HOOK3: variants seen among roughly 807,000 people sequenced by gnomAD.
HOOK3 encodes the protein protein Hook homolog 3.
HOOK3 carries 24 observed loss-of-function variants against 116.3 expected under a neutral mutation model. The observed-to-expected ratio is 0.21, with a 90% CI of 0.15 to 0.29. The LOEUF (loss-of-function observed/expected upper bound fraction) is 0.29, where lower values mean the gene tolerates loss of function less well. HOOK3 is among the 10% of genes least tolerant of loss of function. The probability of loss-of-function intolerance (pLI) is 1.00; values close to 1 mark genes in which losing one functional copy is unlikely to be tolerated. For missense variants in HOOK3, 632 were observed against 830.2 expected, an observed-to-expected ratio of 0.76 and a Z score of 2.93; for synonymous variants, 275 against 283.0, an observed-to-expected ratio of 0.97 and a Z score of 0.28.
At chr8:43,011,663 C>T (rs1809615014) in intron 19 of HOOK3, among the ~76,000 whole-genome samples, 1 of 152,026 alleles carries the variant, frequency 6.6e-6, no homozygotes, top group Non-Finnish European at 1.5e-5. Flanking sequence ...TGCTTTAGCC[C>T]AGGAGTTTGA....
At position 42,953,471 on chromosome 8, in the gene HOOK3, G is replaced by A. The variant is rs1808379522; in HGVS notation, c.468+3016G>A. On this transcript the variant is annotated intron_variant, in intron 6 of 21. Transcript: ENST00000307602. ...CCCAGCTACTTGGGTGGCTGAGGCA[G>A]GAGAATGGCTTCAATTTGGGAGCCG... 2.0e-5 allele frequency among the ~76,000 whole-genome samples: 3 copies of A among 151,814 alleles called. No individual in the cohort carries two copies. The South Asian group carries it at 6.2e-4, about 32-fold the overall frequency.
Position 42,973,337 on chromosome 8 carries a change from A to G in HOOK3, c.1171A>G (p.Lys391Glu). 6.2e-7 allele frequency: 1 copy of G among 1,613,300 alleles called. No individual in the cohort carries two copies. Among genetic ancestry groups the G allele is most frequent in the Non-Finnish European group, 8.5e-7 (1 of 1,179,694 alleles). The stretch of plus-strand genomic sequence containing the variant: ...ATCCGAAGAATCAAAGAAAGCAGAT[A>G]AACTAGATTTTGAATATAAGCGGCT... ...RLSEESKKAD[K>E]LDFEYKRLKE... The change falls in exon 12 of 22, where the codon AAA (lysine) becomes GAA (glutamate). Residue 391 changes from lysine (K) to glutamate (E), a missense_variant. Coordinates refer to ENST00000307602, the MANE Select transcript of HOOK3 (RefSeq NM_032410.4).
chr8:43,002,516 A>G (rs956007023), intron 17 of HOOK3, among the ~76,000 whole-genome samples: 1 of 152,176 alleles, frequency 6.6e-6, no homozygotes, highest in African/African-American at 2.4e-5. Flanking sequence ...TAGCTTGAAA[A>G]CAGCCATAGA....
chr8:43,006,285 G>T (rs999284398), intron 17 of HOOK3, among the ~76,000 whole-genome samples: 3 of 151,482 alleles, frequency 2.0e-5, no homozygotes, highest in Non-Finnish European at 4.4e-5. Context: ...CTCCCAAAGT[G>T]CTGGGATTAC....
intron 4 of HOOK3, among the ~76,000 whole-genome samples, chr8:42,942,028 G>T (rs1808137634): frequency 1.3e-5 from 2 of 152,140 alleles, no homozygotes; most frequent in African/African-American, 4.8e-5. Flanking sequence ...CAGAGCCCAG[G>T]CAGGTGGATT....
chr8:42,966,195 G>A (rs1035013222), intron 9 of HOOK3, among the ~76,000 whole-genome samples: 2 of 152,042 alleles, frequency 1.3e-5, no homozygotes, highest in African/African-American at 2.4e-5. Flanking sequence ...AATAAAAAAA[G>A]CCCTTAAATT....
Position 42,933,165 on chromosome 8 carries a change from A to G in HOOK3, c.267+2993A>G, listed in dbSNP as rs945793149. Among the ~76,000 whole-genome samples the G allele has an allele frequency of 6.6e-5, 10 of 152,352 alleles. No homozygotes were observed. The South Asian group carries it at 8.3e-4, about 13-fold the overall frequency. The stretch of plus-strand genomic sequence containing the variant: ...AGGTCTAACAATAGAAAATTATGAA[A>G]CATGTTGTAGGACAAATGCCATTCA... On this transcript the variant is annotated intron_variant, in intron 4 of 21. Transcript: ENST00000307602.
rs1409855263 is a variant in HOOK3, at chr8:42,968,228, A to G, written c.1122+14A>G. 1.9e-6 allele frequency: 3 copies of G among 1,594,100 alleles called. No homozygotes were observed. The highest frequency in any genetic ancestry group is 1.7e-6 in the Non-Finnish European group (2 of 1,165,806). On this transcript the variant is annotated intron_variant, in intron 11 of 21. Transcript: ENST00000307602. ...TACAAGAGACAGGTAAAAGAAACAC[A>G]GCATCTTGATGATGGTTTCAGGCAA...
chr8:42,916,143 A>G (rs1807528836), intron 2 of HOOK3, among the ~76,000 whole-genome samples: 1 of 152,130 alleles, frequency 6.6e-6, no homozygotes, highest in African/African-American at 2.4e-5. Flanking sequence ...CACCCCTGAC[A>G]TTGGTCAGTT....
At position 43,018,908 on chromosome 8, in the gene HOOK3, A is replaced by G. The variant is rs1809769421; in HGVS notation, c.*410A>G. The G allele has an allele frequency of 4.5e-6, 1 of 224,134 alleles. No homozygotes were observed. The highest frequency in any genetic ancestry group is 1.8e-4 in the South Asian group (1 of 5,554). 13.9% of individuals were successfully genotyped at this position (224,134 alleles called of 1,614,324 possible). The stretch of plus-strand genomic sequence containing the variant: ...GAATGTCTTTGTTTAAAGGGAATTA[A>G]TCTTTTTATGATGTATTAATCTGTG... On this transcript the variant is annotated 3_prime_UTR_variant, in exon 22 of 22. Coordinates refer to ENST00000307602, the MANE Select transcript of HOOK3 (RefSeq NM_032410.4).
intron 7 of HOOK3, among the ~76,000 whole-genome samples, chr8:42,957,379 G>A (rs1474341540): frequency 6.6e-6 from 1 of 152,072 alleles, no homozygotes; most frequent in Non-Finnish European, 1.5e-5. Context: ...AAATGCTGTT[G>A]CATAACCTAC....
chr8:43,018,929 C>A lies in HOOK3; in HGVS notation c.*431C>A, dbSNP rs941522104. 17 of 219,092 alleles carry A rather than the reference C, an allele frequency of 7.8e-5. No homozygotes were observed. The highest frequency in any genetic ancestry group is 6.3e-4 in the Admixed American group (11 of 17,406). The allele number at this position is 219,092 out of a possible 1,614,324, so 13.6% of individuals were successfully genotyped here. ...ATTAATCTTTTTATGATGTATTAATCTGTGTTTTCAATTGTTTTCCAAGTA... is the reference window on the plus strand; with the variant it reads ...ATTAATCTTTTTATGATGTATTAATATGTGTTTTCAATTGTTTTCCAAGTA... On this transcript the variant is annotated 3_prime_UTR_variant, in exon 22 of 22. Transcript: ENST00000307602.
chr8:42,930,219 G>A (rs1324275968), intron 4 of HOOK3, 47 bp downstream of exon 4: 1 of 1,426,730 alleles, frequency 7.0e-7, no homozygotes. Flanking sequence ...CTATCGGATA[G>A]TTTAATTTTA....
intron 13 of HOOK3, among the ~76,000 whole-genome samples, chr8:42,978,134 A>G (rs1241472730): frequency 1.3e-5 from 2 of 152,252 alleles, no homozygotes; most frequent in Non-Finnish European, 1.5e-5. Context: ...AGCACTCCGC[A>G]ATATGTAATT....
intron 2 of HOOK3, among the ~76,000 whole-genome samples, chr8:42,924,923 A>G (rs1807732551): frequency 6.6e-6 from 1 of 150,996 alleles, no homozygotes; most frequent in South Asian, 2.1e-4. Flanking sequence ...CAGTGAGCCG[A>G]GATCACACCA....
At chr8:42,990,272 A>G (rs1809132671) in intron 15 of HOOK3, among the ~76,000 whole-genome samples, 1 of 137,602 alleles carries the variant, frequency 7.3e-6, no homozygotes, top group African/African-American at 2.6e-5. Context: ...CTGGGATTAT[A>G]GGCATGAACC....
intron 2 of HOOK3, among the ~76,000 whole-genome samples, chr8:42,909,638 T>C (rs1415834782): frequency 3.3e-5 from 5 of 152,134 alleles, no homozygotes; most frequent in Non-Finnish European, 5.9e-5. Context: ...TTTTTTGTTG[T>C]TGTTGTTGTA....
At chr8:42,905,540 G>T (rs1807288860) in intron 1 of HOOK3, among the ~76,000 whole-genome samples, 1 of 151,888 alleles carries the variant, frequency 6.6e-6, no homozygotes, top group Non-Finnish European at 1.5e-5. Flanking sequence ...TCTTTTCCCT[G>T]TGTGTCCCTG....
intron 11 of HOOK3, among the ~76,000 whole-genome samples, chr8:42,969,869 C>T (rs1808695907): frequency 6.6e-6 from 1 of 152,124 alleles, no homozygotes; most frequent in Non-Finnish European, 1.5e-5. Flanking sequence ...TGTTCTTTAT[C>T]ACTTGCACAT....
Sources: allele counts gnomAD v4.1 joint callset (sites outside exome capture counted in the v4.1 genomes callset), GRCh38; gene constraint gnomAD v4.1.1; transcripts MANE v1.5; gene names NCBI Gene and HGNC (gene_info 2026-07-23, HGNC 2026-07-21).